Variants in FBXL17 observed in about 807,000 individuals in gnomAD.
FBXL17 encodes F-box and leucine rich repeat protein 17, also known as F-box/LRR-repeat protein 17.
FBXL17 carries 22 observed loss-of-function variants against 66.2 expected under a neutral mutation model. The ratio of observed to expected loss-of-function variants is 0.33; its 90% confidence interval spans 0.24 to 0.47. The LOEUF (loss-of-function observed/expected upper bound fraction) is 0.47, where lower values mean the gene tolerates loss of function less well. Among genes scored for constraint, FBXL17 ranks in the 20% least tolerant of loss-of-function variants. The pLI is 1.00. For synonymous variants in FBXL17, 474 were observed against 400.5 expected (o/e 1.18, Z -2.19); for missense variants, 878 against 948.2 (o/e 0.93, Z 0.97).
At chr5:107,887,606 T>C (rs1250860669) in intron 7 of FBXL17, among the ~76,000 whole-genome samples, 1 of 152,184 alleles carries the variant, frequency 6.6e-6, no homozygotes, top group East Asian at 1.9e-4. Flanking sequence ...ATATGAAACG[T>C]GCTCTTCTTT....
chr5:108,309,194 A>G (rs1376412154), intron 4 of FBXL17, among the ~76,000 whole-genome samples: 2 of 152,096 alleles, frequency 1.3e-5, no homozygotes, highest in Non-Finnish European at 2.9e-5. Context: ...ATTCCTTCAC[A>G]CAGAATAATG....
intron 5 of FBXL17, among the ~76,000 whole-genome samples, chr5:108,221,397 T>C (rs1199823004): frequency 1.3e-5 from 2 of 152,160 alleles, no homozygotes; most frequent in African/African-American, 4.8e-5. Flanking sequence ...TCTAGGCCAA[T>C]AATTCCTAAA....
At position 108,154,237 on chromosome 5, in the gene FBXL17, G is replaced by C. The variant is rs1390898363; in HGVS notation, c.1745+31880C>G. Among the ~76,000 whole-genome samples, 60 of 141,422 alleles carry C rather than the reference G, an allele frequency of 4.2e-4. 1 individual carries two copies. The highest frequency in any genetic ancestry group is 1.1e-4 in the Non-Finnish European group (7 of 66,070). 92.8% of individuals were successfully genotyped at this position (141,422 alleles called of 152,430 possible). A position where few individuals can be genotyped will look rare whatever the true frequency, so the allele number is the denominator to read the frequency against. ...GGGATATTACAGAAAACAGAGACACGTAAATTCAGAGGAGGAAAAAAAGAA... is the reference window on the plus strand; with the variant it reads ...GGGATATTACAGAAAACAGAGACACCTAAATTCAGAGGAGGAAAAAAAGAA... On this transcript the variant is annotated intron_variant, in intron 6 of 8. Transcript: ENST00000542267.
At position 107,982,056 on chromosome 5, in the gene FBXL17, T is replaced by C. The variant is rs115229999; in HGVS notation, c.1822+38869A>G. Among the ~76,000 whole-genome samples, 102 of 152,282 alleles carry C rather than the reference T, an allele frequency of 6.7e-4. 1 individual carries two copies. Among genetic ancestry groups the C allele is most frequent in the African/African-American group, 1.9e-3 (81 of 41,552 alleles). ...GTCTCAAAGAGTAGGGACCTAACTA[T>C]GAATATAATGATAGCTTAATGAGGG... On this transcript the variant is annotated intron_variant, in intron 7 of 8. Coordinates refer to ENST00000542267, the MANE Select transcript of FBXL17 (RefSeq NM_001163315.3).
At chr5:108,223,802 T>C (rs1278256831) in intron 5 of FBXL17, among the ~76,000 whole-genome samples, 1 of 106,596 alleles carries the variant, frequency 9.4e-6, no homozygotes, top group Non-Finnish European at 1.8e-5. Context: ...TAGTGATATA[T>C]GAGCACTTAA....
chr5:107,878,499 G>C, intron 8 of FBXL17: 1 of 723,014 alleles, frequency 1.4e-6, no homozygotes, highest in Non-Finnish European at 1.7e-6. Flanking sequence ...GCACTGAGAG[G>C]TTAGTAACTG....
intron 6 of FBXL17, among the ~76,000 whole-genome samples, chr5:108,112,579 A>G (rs1187864494): frequency 4.6e-5 from 7 of 152,220 alleles, no homozygotes; most frequent in Non-Finnish European, 1.0e-4. Context: ...CTAGGCATGA[A>G]AAGAAACAGG....
chr5:107,863,362 T>C (rs1206996364), intron 8 of FBXL17, among the ~76,000 whole-genome samples: 1 of 151,368 alleles, frequency 6.6e-6, no homozygotes, highest in Non-Finnish European at 1.5e-5. Flanking sequence ...AAGTTCCTTC[T>C]GGTCTTGGGA....
intron 7 of FBXL17, among the ~76,000 whole-genome samples, chr5:107,884,444 C>T (rs1234707162): frequency 1.3e-5 from 2 of 152,186 alleles, no homozygotes; most frequent in Non-Finnish European, 2.9e-5. Flanking sequence ...TATTCTGTTG[C>T]AACAGCAGCA....
chr5:108,217,676 A>G (rs924967208), intron 5 of FBXL17, among the ~76,000 whole-genome samples: 2 of 152,232 alleles, frequency 1.3e-5, no homozygotes, highest in Non-Finnish European at 2.9e-5. Flanking sequence ...TATATGTACT[A>G]CAGTCTATAG....
At chr5:108,191,875 C>T (rs899580863) in intron 5 of FBXL17, among the ~76,000 whole-genome samples, 4 of 152,214 alleles carry the variant, frequency 2.6e-5, no homozygotes, top group African/African-American at 9.6e-5. Context: ...CAGGCTTCTA[C>T]AGCAACCTTA....
At chr5:107,879,754 A>C in intron 8 of FBXL17, 1 of 985,410 alleles carries the variant, frequency 1.0e-6, no homozygotes, top group Non-Finnish European at 1.2e-6. Context: ...ACCATTTACA[A>C]AAGTAGCACA....
intron 7 of FBXL17, among the ~76,000 whole-genome samples, chr5:107,912,168 C>T (rs1305614888): frequency 6.6e-6 from 1 of 152,100 alleles, no homozygotes; most frequent in Non-Finnish European, 1.5e-5. Context: ...ATACTAACAA[C>T]TTTCTTTATC....
At chr5:107,887,924 C>T (rs970525384) in intron 7 of FBXL17, among the ~76,000 whole-genome samples, 9 of 152,118 alleles carry the variant, frequency 5.9e-5, no homozygotes, top group Non-Finnish European at 1.3e-4. Flanking sequence ...AAAAGAGCTC[C>T]CTTTTAAGGA....
intron 6 of FBXL17, among the ~76,000 whole-genome samples, chr5:108,108,980 T>C (rs1241823836): frequency 4.6e-5 from 7 of 151,970 alleles, no homozygotes; most frequent in Non-Finnish European, 1.0e-4. Context: ...GATGGGGTTC[T>C]CCATGTTGGT....
In FBXL17 at chr5:108,143,943, C is replaced by T. The variant is rs367998561; in HGVS notation, c.1745+42174G>A. On this transcript the variant is annotated intron_variant, in intron 6 of 8. Transcript: ENST00000542267. The stretch of plus-strand genomic sequence containing the variant: ...AAAAAACAAAACAAAACTCAAAAAA[C>T]TTAACCTAATGGAAAAAACTTATAA... Among the ~76,000 whole-genome samples, 40 of 152,124 alleles carry T rather than the reference C, an allele frequency of 2.6e-4. No individual in the cohort carries two copies. The South Asian group carries it at 7.7e-3, about 29-fold the overall frequency.
chr5:108,245,197 G>C (rs1312527303), intron 4 of FBXL17, among the ~76,000 whole-genome samples: 1 of 151,988 alleles, frequency 6.6e-6, no homozygotes, highest in African/African-American at 2.4e-5. Flanking sequence ...TATGCAAAAA[G>C]AAAATGCACA....
chr5:108,370,130 G>A (rs1299488778), intron 1 of FBXL17, among the ~76,000 whole-genome samples: 1 of 152,140 alleles, frequency 6.6e-6, no homozygotes, highest in African/African-American at 2.4e-5. Flanking sequence ...AATACCCAGA[G>A]AAAATATGTG....
At chr5:108,341,137 T>C (rs1221561831) in intron 4 of FBXL17, among the ~76,000 whole-genome samples, 1 of 152,050 alleles carries the variant, frequency 6.6e-6, no homozygotes, top group African/African-American at 2.4e-5. Flanking sequence ...AACCCAGAGA[T>C]TTATACATAT....
Sources: gnomAD v4.1 joint callset for allele counts (sites outside exome capture counted in the v4.1 genomes callset) on GRCh38, gnomAD v4.1.1 for gene constraint, MANE v1.5 for transcripts, NCBI Gene and HGNC (gene_info 2026-07-23, HGNC 2026-07-21) for gene names.